Variants in ZNF326 observed in about 807,000 individuals in gnomAD.
The protein encoded by ZNF326 is zinc finger protein 326.
A neutral mutation model predicts 63.1 loss-of-function variants in ZNF326; 30 were observed. That is an observed-to-expected ratio of 0.48 (90% CI 0.36 to 0.64). The LOEUF (loss-of-function observed/expected upper bound fraction) is 0.64, where lower values mean the gene tolerates loss of function less well. ZNF326 is among the 30% of genes least tolerant of loss of function. ZNF326 has a pLI of 0.00. For synonymous variants in ZNF326, 194 were observed against 228.2 expected, an observed-to-expected ratio of 0.85 and a Z score of 1.35; for missense variants, 609 against 720.3, an observed-to-expected ratio of 0.85 and a Z score of 1.77.
chr1:90,018,147 C>G (rs1334199659), intron 8 of ZNF326, among the ~76,000 whole-genome samples: 1 of 152,020 alleles, frequency 6.6e-6, no homozygotes, highest in Non-Finnish European at 1.5e-5. Context: ...TAAAAATTAG[C>G]CAGGCGTGGT....
intron 11 of ZNF326, among the ~76,000 whole-genome samples, chr1:90,025,688 A>G (rs1037819823): frequency 6.6e-6 from 1 of 152,126 alleles, no homozygotes; most frequent in African/African-American, 2.4e-5. Context: ...TACTTTTGAA[A>G]CTGCTCTTCC....
chr1:90,023,907 T>C (rs565513725), intron 11 of ZNF326, among the ~76,000 whole-genome samples: 1 of 152,332 alleles, frequency 6.6e-6, no homozygotes. Context: ...GGATCAGCAG[T>C]ATTGGCATCA....
In ZNF326 at chr1:90,007,727, A is replaced by G; in HGVS notation, c.592A>G (p.Thr198Ala). The G allele has an allele frequency of 6.6e-7, 1 of 1,512,316 alleles. No individual in the cohort carries two copies. Among genetic ancestry groups the G allele is most frequent in the Non-Finnish European group, 8.8e-7 (1 of 1,130,786 alleles). The allele number at this position is 1,512,316 out of a possible 1,614,324, so 93.7% of individuals were successfully genotyped here. A position where few individuals can be genotyped will look rare whatever the true frequency, so the allele number is the denominator to read the frequency against. The change falls in exon 5 of 12, where the codon ACA (threonine) becomes GCA (alanine). Residue 198 changes from threonine to alanine, a missense_variant. Thr to Ala is a moderately conservative substitution (Grantham distance 58). Coordinates refer to ENST00000340281, the MANE Select transcript of ZNF326 (RefSeq NM_182976.4). The surrounding 1 kb of genome is among the most constrained non-coding windows in gnomAD (Gnocchi z 4.9). Reference protein sequence around the residue: ...RNYDAFGGPSTGRGRGRGHMG... With the variant: ...RNYDAFGGPSAGRGRGRGHMG... ...CTATGATGCTTTTGGAGGACCATCA[A>G]CAGGCAGAGGCCGAGGCCGAGGAGT...
chr1:90,000,474 G>C (rs1055872613), intron 2 of ZNF326, among the ~76,000 whole-genome samples: 1 of 152,170 alleles, frequency 6.6e-6, no homozygotes, highest in Non-Finnish European at 1.5e-5. Context: ...TGAGGTAGGA[G>C]CACTGCTTGA....
intron 4 of ZNF326, chr1:90,006,236 A>T: frequency 1.0e-6 from 1 of 984,566 alleles, no homozygotes; most frequent in South Asian, 4.7e-5. Flanking sequence ...TGGAAATAGG[A>T]ATAATTTTTA....
In ZNF326 at chr1:90,006,122, T is replaced by C. The variant is rs550478780; in HGVS notation, c.209+878T>C. 266 of 985,458 alleles carry C rather than the reference T, an allele frequency of 2.7e-4. No individual in the cohort carries two copies. In the African/African-American group the frequency reaches 4.3e-3, roughly 16 times the overall value. 61.0% of individuals were successfully genotyped at this position (985,458 alleles called of 1,614,324 possible). On this transcript the variant is annotated intron_variant, in intron 4 of 11. Coordinates refer to ENST00000340281, the MANE Select transcript of ZNF326 (RefSeq NM_182976.4). Reference sequence around the variant, plus strand: ...GACTGAATGATGCTTACTTTCCTTCTTTCTGCTTCCAGTGTACCACTATGG... The same window carrying C: ...GACTGAATGATGCTTACTTTCCTTCCTTCTGCTTCCAGTGTACCACTATGG...
chr1:90,007,296 C>T lies in ZNF326; in HGVS notation c.210-49C>T. 5 of 1,518,766 alleles carry T rather than the reference C, an allele frequency of 3.3e-6. No homozygotes were observed. The highest frequency in any genetic ancestry group is 4.4e-6 in the Non-Finnish European group (5 of 1,127,894). The allele number at this position is 1,518,766 out of a possible 1,614,324, so 94.1% of individuals were successfully genotyped here. On this transcript the variant is annotated intron_variant, in intron 4 of 11. Coordinates refer to ENST00000340281, the MANE Select transcript of ZNF326 (RefSeq NM_182976.4). The surrounding 1 kb of genome is among the most constrained non-coding windows in gnomAD (Gnocchi z 4.9). The stretch of plus-strand genomic sequence containing the variant: ...ATAATTTGTCTTTTGAATTGTCTAA[C>T]ATTAGTAAGCTTACTTTTGTTTTTT...
rs949757636 is a variant in ZNF326, at chr1:89,995,335, G to A, written c.16+62G>A. The A allele has an allele frequency of 2.0e-5, 30 of 1,519,346 alleles. No individual in the cohort carries two copies. The South Asian group carries it at 2.7e-4, about 14-fold the overall frequency. The allele number at this position is 1,519,346 out of a possible 1,614,324, so 94.1% of individuals were successfully genotyped here. The stretch of plus-strand genomic sequence containing the variant: ...GGAGGCGGGGTGGCCTACGCAGGGG[G>A]TCTGTTTACCGTCTCAAGATGGCCG... On this transcript the variant is annotated intron_variant, in intron 1 of 11. Transcript: ENST00000340281.
chr1:89,998,280 C>A, intron 2 of ZNF326, 126 bp downstream of exon 2: 3 of 790,482 alleles, frequency 3.8e-6, no homozygotes, highest in Non-Finnish European at 6.0e-6. Flanking sequence ...TTAATATTGT[C>A]TTACTATATA....
chr1:90,033,142 G>T lies in ZNF326; in HGVS notation c.*5441G>T, dbSNP rs1650345268. On this transcript the variant is annotated 3_prime_UTR_variant, in exon 12 of 12. Transcript: ENST00000340281. ...TGAGAAATTTATTGGTTGGAAAACTGCTATCTACAGGCCTTCCACTACCTA... is the reference window on the plus strand; with the variant it reads ...TGAGAAATTTATTGGTTGGAAAACTTCTATCTACAGGCCTTCCACTACCTA... 6.6e-6 allele frequency: 1 copy of T among 152,096 alleles called. No homozygotes were observed. The highest frequency in any genetic ancestry group is 6.6e-5 in the Admixed American group (1 of 15,250). The allele number at this position is 152,096 out of a possible 1,614,324, so 9.4% of individuals were successfully genotyped here. A position where few individuals can be genotyped will look rare whatever the true frequency, so the allele number is the denominator to read the frequency against.
chr1:90,023,141 T>C (rs1476957051), intron 11 of ZNF326, among the ~76,000 whole-genome samples: 1 of 152,224 alleles, frequency 6.6e-6, no homozygotes, highest in African/African-American at 2.4e-5. Flanking sequence ...TTACTGTGAT[T>C]TGGGAATAAA....
At position 90,017,371 on chromosome 1, in the gene ZNF326, T is replaced by G. The variant is rs773477819; in HGVS notation, c.981T>G (p.Ile327Met). The stretch of plus-strand genomic sequence containing the variant: ...TTCGAACATTTGAAGAAAAAGATAT[T>G]GAACTGCATCTGGAAAGTTCTTCAC... Reference protein sequence around the residue: ...CKFRTFEEKDIELHLESSSHQ... With the variant: ...CKFRTFEEKDMELHLESSSHQ... Residue 327 changes from isoleucine (I) to methionine (M), a missense_variant, in exon 8 of 12, where the codon ATT becomes ATG. Physicochemically the swap from Ile to Met is conservative, Grantham distance 10. Coordinates refer to ENST00000340281, the MANE Select transcript of ZNF326 (RefSeq NM_182976.4). 11 of 1,606,930 alleles carry G rather than the reference T, an allele frequency of 6.8e-6. No homozygotes were observed. In the South Asian group the frequency reaches 1.2e-4, roughly 18 times the overall value.
chr1:90,024,294 C>A (rs1318845205), intron 11 of ZNF326, among the ~76,000 whole-genome samples: 1 of 152,200 alleles, frequency 6.6e-6, no homozygotes, highest in African/African-American at 2.4e-5. Flanking sequence ...ACATCAATTT[C>A]TCTTAATTCT....
rs1650399670 is a variant in ZNF326 at position 90,034,244 on chromosome 1, C to CA, written c.*6544dup. 1 of 152,118 alleles carries CA rather than the reference C, an allele frequency of 6.6e-6. No homozygotes were observed. The highest frequency in any genetic ancestry group is 1.5e-5 in the Non-Finnish European group (1 of 68,008). 9.4% of individuals were successfully genotyped at this position (152,118 alleles called of 1,614,324 possible). The stretch of plus-strand genomic sequence containing the variant: ...AGTGAAACTGTCAAGAGTAAGGGCA[C>CA]AGCAAGGACATTCTACCAATTTTAG... On this transcript the variant is annotated 3_prime_UTR_variant, in exon 12 of 12. Coordinates refer to ENST00000340281, the MANE Select transcript of ZNF326 (RefSeq NM_182976.4).
At chr1:90,023,641 G>C (rs1649875280) in intron 11 of ZNF326, among the ~76,000 whole-genome samples, 2 of 152,110 alleles carry the variant, frequency 1.3e-5, no homozygotes, top group Admixed American at 1.3e-4. Flanking sequence ...AGCTAAAGAA[G>C]GAAAAATTAG....
chr1:90,033,432 T>C lies in ZNF326; in HGVS notation c.*5731T>C, dbSNP rs917180938. On this transcript the variant is annotated 3_prime_UTR_variant, in exon 12 of 12. Coordinates refer to ENST00000340281, the MANE Select transcript of ZNF326 (RefSeq NM_182976.4). ...ATGACCAAGTATAATTAGTATTATA[T>C]GGAATAATAATTACTACTACTTATA... 3 of 152,156 alleles carry C rather than the reference T, an allele frequency of 2.0e-5. No homozygotes were observed. Among genetic ancestry groups the C allele is most frequent in the African/African-American group, 7.2e-5 (3 of 41,440 alleles). The allele number at this position is 152,156 out of a possible 1,614,324, so 9.4% of individuals were successfully genotyped here.
chr1:89,996,701 T>C (rs903757299), intron 1 of ZNF326, among the ~76,000 whole-genome samples: 2 of 151,588 alleles, frequency 1.3e-5, no homozygotes, highest in African/African-American at 4.9e-5. Context: ...ATCGTGCCAT[T>C]GCACTCTAGC....
intron 11 of ZNF326, among the ~76,000 whole-genome samples, chr1:90,024,969 A>AT (rs997141722): frequency 2.5e-5 from 3 of 120,760 alleles, no homozygotes; most frequent in East Asian, 2.7e-4. Context: ...CTTGCATCTG[A>AT]TTTTTTTCCT....
chr1:90,010,882 A>G (rs1331850957), intron 6 of ZNF326, among the ~76,000 whole-genome samples: 34 of 152,158 alleles, frequency 2.2e-4, no homozygotes, highest in Admixed American at 2.2e-3. Context: ...TTATTGTTTA[A>G]TAAGAAACAA....
Sources: allele counts gnomAD v4.1 joint callset (sites outside exome capture counted in the v4.1 genomes callset), GRCh38; gene constraint gnomAD v4.1.1; non-coding constraint Gnocchi (gnomAD v3.1); transcripts MANE v1.5; gene names NCBI Gene and HGNC (gene_info 2026-07-23, HGNC 2026-07-21).